The following TIAM2 variants were observed in gnomAD, a reference collection of about 807,000 sequenced individuals.
TIAM2 encodes rho guanine nucleotide exchange factor TIAM2.
Under a neutral mutation model 152.9 loss-of-function variants are expected in TIAM2, and 80 were observed. That is an observed-to-expected ratio of 0.52 (90% confidence interval 0.44 to 0.63). TIAM2 has a LOEUF of 0.63. Among genes scored for constraint, TIAM2 ranks in the 30% least tolerant of loss-of-function variants. The pLI is 0.00. For missense variants in TIAM2, 1,965 were observed against 2,120.1 expected, an observed-to-expected ratio of 0.93 and a Z score of 1.44; for synonymous variants, 804 against 838.0, an observed-to-expected ratio of 0.96 and a Z score of 0.70.
At chr6:155,059,220 G>A (rs1458479638) in intron 1 of TIAM2, among the ~76,000 whole-genome samples, 1 of 151,486 alleles carries the variant, frequency 6.6e-6, no homozygotes, top group Non-Finnish European at 1.5e-5. Flanking sequence ...TTTCTTCTTT[G>A]TCTTTCATGA....
intron 14 of TIAM2, among the ~76,000 whole-genome samples, chr6:155,191,531 C>G (rs1330651568): frequency 6.6e-6 from 1 of 152,252 alleles, no homozygotes; most frequent in East Asian, 1.9e-4. Flanking sequence ...GTGGCTCATG[C>G]CTGTAATCCC....
At chr6:155,136,012 TGAA>T (rs907282140) in intron 4 of TIAM2, among the ~76,000 whole-genome samples, 1 of 151,578 alleles carries the variant, frequency 6.6e-6, no homozygotes, top group African/African-American at 2.4e-5. Flanking sequence ...CTGACCAACA[TGAA>T]GAAACCGTGT....
chr6:155,025,913 G>A (rs1776593620), intron 1 of TIAM2, among the ~76,000 whole-genome samples: 2 of 150,312 alleles, frequency 1.3e-5, no homozygotes, highest in Admixed American at 6.7e-5. Context: ...TGGATGCTTC[G>A]GAAAGGTGTT....
At chr6:155,175,280 C>T (rs1267194636) in intron 9 of TIAM2, among the ~76,000 whole-genome samples, 1 of 152,202 alleles carries the variant, frequency 6.6e-6, no homozygotes, top group Non-Finnish European at 1.5e-5. Context: ...CACAGAGAGA[C>T]AGATTTTTCC....
At position 155,168,118 on chromosome 6, in the gene TIAM2, A is replaced by G. The variant is rs188966989; in HGVS notation, c.2361+2709A>G. On this transcript the variant is annotated intron_variant, in intron 9 of 26. Coordinates refer to ENST00000682666, the MANE Select transcript of TIAM2 (RefSeq NM_012454.4). Reference sequence around the variant, plus strand: ...ATTTAGTAGGTATTTCTAAGTGTTTATATTGTTTTTAATGTTAATTATGCC... The same window carrying G: ...ATTTAGTAGGTATTTCTAAGTGTTTGTATTGTTTTTAATGTTAATTATGCC... Among the ~76,000 whole-genome samples the G allele has an allele frequency of 4.3e-3, 660 of 152,272 alleles. 10 individuals carry two copies. Among genetic ancestry groups the G allele is most frequent in the African/African-American group, 0.015 (627 of 41,560 alleles).
At chr6:155,168,988 T>A (rs1368772288) in intron 9 of TIAM2, 1 of 1,363,130 alleles carries the variant, frequency 7.3e-7, no homozygotes, top group African/African-American at 1.5e-5. Context: ...TTCTGTTTTT[T>A]TTTGTTTGTT....
chr6:155,232,115 T>G (rs577477679), intron 15 of TIAM2, among the ~76,000 whole-genome samples: 1 of 151,866 alleles, frequency 6.6e-6, no homozygotes, highest in Non-Finnish European at 1.5e-5. Context: ...AAACAAAAAC[T>G]GGGGAAGTAG....
rs902211287 is a variant in TIAM2, at chr6:155,222,660, A to C, written c.3168+11353A>C. Among the ~76,000 whole-genome samples, 12 of 149,848 alleles carry C rather than the reference A, an allele frequency of 8.0e-5. 1 individual carries two copies. Among genetic ancestry groups the C allele is most frequent in the Admixed American group, 7.3e-4 (11 of 15,052 alleles). ...AAAAAACCATGGGTTTTTTGCCCTAAGTCTTACACTGAGGAGCCGTTTCTT... is the reference window on the plus strand; with the variant it reads ...AAAAAACCATGGGTTTTTTGCCCTACGTCTTACACTGAGGAGCCGTTTCTT... On this transcript the variant is annotated intron_variant, in intron 15 of 26. Coordinates refer to ENST00000682666, the MANE Select transcript of TIAM2 (RefSeq NM_012454.4).
chr6:155,205,586 G>A (rs1346904422), intron 14 of TIAM2, among the ~76,000 whole-genome samples: 1 of 152,214 alleles, frequency 6.6e-6, no homozygotes, highest in Non-Finnish European at 1.5e-5. Flanking sequence ...CTTGCTGCCT[G>A]GTTGAGTAGG....
At position 155,165,317 on chromosome 6, in the gene TIAM2, C is replaced by A. The variant is rs1208617637; in HGVS notation, c.2269C>A (p.Arg757=). 3.1e-6 allele frequency: 5 copies of A among 1,613,888 alleles called. 1 individual carries two copies. The Middle Eastern group carries it at 5.0e-4, about 160-fold the overall frequency. The change falls in exon 9 of 27, where the codon CGA becomes AGA. Residue 757 remains arginine, a synonymous_variant. Coordinates refer to ENST00000682666, the MANE Select transcript of TIAM2 (RefSeq NM_012454.4). The part of the protein sequence containing the change: ...LRKRTLSLTQ[R]GRNKKGIFSS... Reference sequence around the variant, plus strand: ...GAAAAGGACACTGTCACTGACCCAGCGAGGGAGAAACAAGAAGGGAATATT... The same window carrying A: ...GAAAAGGACACTGTCACTGACCCAGAGAGGGAGAAACAAGAAGGGAATATT...
chr6:155,047,650 G>GGA (rs1162039447), intron 1 of TIAM2, among the ~76,000 whole-genome samples: 2 of 143,828 alleles, frequency 1.4e-5, no homozygotes, highest in East Asian at 2.1e-4. Context: ...AGGGGTGGGG[G>GGA]GAGAGAGAGA....
intron 14 of TIAM2, among the ~76,000 whole-genome samples, chr6:155,204,237 T>C (rs542780467): frequency 1.3e-5 from 2 of 152,330 alleles, no homozygotes; most frequent in East Asian, 1.9e-4. Context: ...TCTGGGAAGA[T>C]GGCAACCCAA....
chr6:155,152,761 G>C (rs1439419107), intron 7 of TIAM2, among the ~76,000 whole-genome samples: 1 of 152,134 alleles, frequency 6.6e-6, no homozygotes, highest in Non-Finnish European at 1.5e-5. Flanking sequence ...GCTAGGGAGA[G>C]AAAAGGGACA....
chr6:155,017,617 C>A (rs1778616267), intron 1 of TIAM2, among the ~76,000 whole-genome samples: 2 of 150,718 alleles, frequency 1.3e-5, no homozygotes, highest in South Asian at 2.1e-4. Context: ...TATACTCCTG[C>A]CTCAGCCTCC....
chr6:155,033,671 C>G (rs549261901), intron 1 of TIAM2, among the ~76,000 whole-genome samples: 1 of 151,960 alleles, frequency 6.6e-6, no homozygotes, highest in South Asian at 2.1e-4. Flanking sequence ...TAACTTCTGC[C>G]ATTGGCTCCT....
intron 1 of TIAM2, among the ~76,000 whole-genome samples, chr6:155,056,542 C>T (rs1005358197): frequency 6.6e-6 from 1 of 151,946 alleles, no homozygotes; most frequent in Non-Finnish European, 1.5e-5. Context: ...TTTCTGTATC[C>T]GAGTCTTGCT....
At chr6:155,114,081 T>C (rs1292699352) in intron 2 of TIAM2, among the ~76,000 whole-genome samples, 4 of 124,682 alleles carry the variant, frequency 3.2e-5, no homozygotes, top group Non-Finnish European at 6.5e-5. Flanking sequence ...TGAAATGGAG[T>C]CTTGCTGTGT....
At chr6:155,145,391 C>T (rs868465071) in intron 6 of TIAM2, among the ~76,000 whole-genome samples, 7 of 152,060 alleles carry the variant, frequency 4.6e-5, no homozygotes, top group Non-Finnish European at 7.4e-5. Flanking sequence ...CCTTTGTTAG[C>T]GTTGAGTTTG....
chr6:155,063,354 A>G (rs765206446), intron 1 of TIAM2, among the ~76,000 whole-genome samples: 12 of 152,188 alleles, frequency 7.9e-5, no homozygotes, highest in Non-Finnish European at 1.5e-4. Context: ...CTTTCATGCA[A>G]TCCCAGGGAT....
Sources: allele counts gnomAD v4.1 joint callset (sites outside exome capture counted in the v4.1 genomes callset), GRCh38; gene constraint gnomAD v4.1.1; transcripts MANE v1.5; gene names NCBI Gene and HGNC (gene_info 2026-07-23, HGNC 2026-07-21).